SGMS1: variants seen among roughly 807,000 people sequenced by gnomAD.
SGMS1 encodes the protein sphingomyelin synthase 1, also known as phosphatidylcholine:ceramide cholinephosphotransferase 1.
SGMS1 carries 13 observed loss-of-function variants against 46.2 expected under a neutral mutation model. That is an observed-to-expected ratio of 0.28 (90% CI 0.18 to 0.45). The LOEUF (loss-of-function observed/expected upper bound fraction) is 0.45. Ranked by LOEUF, SGMS1 falls within the 20% of genes least tolerant of loss-of-function variation. The pLI, the probability that SGMS1 is intolerant of heterozygous loss-of-function variation, is 1.00. For synonymous variants in SGMS1, 203 were observed against 187.8 expected (o/e 1.08, Z -0.66); for missense variants, 324 against 519.9 (o/e 0.62, Z 3.66).
chr10:50,316,252 G>A (rs1276700845), intron 8 of SGMS1, among the ~76,000 whole-genome samples: 2 of 152,176 alleles, frequency 1.3e-5, no homozygotes, highest in African/African-American at 4.8e-5. Flanking sequence ...GACAGCTTTG[G>A]TATAGCTTTG....
chr10:50,384,261 G>A (rs934432392), intron 6 of SGMS1, among the ~76,000 whole-genome samples: 1 of 152,170 alleles, frequency 6.6e-6, no homozygotes, highest in African/African-American at 2.4e-5. Flanking sequence ...CCATTTGTAT[G>A]ATCTTGAGTA....
At chr10:50,427,891 A>G (rs557931014) in intron 6 of SGMS1, among the ~76,000 whole-genome samples, 1 of 152,276 alleles carries the variant, frequency 6.6e-6, no homozygotes, top group East Asian at 1.9e-4. Flanking sequence ...GACATCTTCA[A>G]TGAAGGAGAA....
chr10:50,400,735 G>A (rs1411531791), intron 6 of SGMS1, among the ~76,000 whole-genome samples: 1 of 152,072 alleles, frequency 6.6e-6, no homozygotes, highest in Non-Finnish European at 1.5e-5. Flanking sequence ...AAGGTAAGAA[G>A]TACAAAACCA....
intron 3 of SGMS1, among the ~76,000 whole-genome samples, chr10:50,515,167 T>A (rs1021185473): frequency 2.6e-5 from 4 of 152,132 alleles, no homozygotes; most frequent in Non-Finnish European, 4.4e-5. Flanking sequence ...GAGAGATGAG[T>A]AACCCTGCTC....
intron 2 of SGMS1, among the ~76,000 whole-genome samples, chr10:50,552,042 T>C (rs1398346035): frequency 1.3e-5 from 2 of 152,150 alleles, no homozygotes; most frequent in African/African-American, 2.4e-5. Flanking sequence ...GCAAACAAAT[T>C]GATGTGGCTG....
At chr10:50,422,996 T>C (rs1406469439) in intron 6 of SGMS1, among the ~76,000 whole-genome samples, 2 of 152,218 alleles carry the variant, frequency 1.3e-5, no homozygotes, top group African/African-American at 4.8e-5. Context: ...AACTAAATAC[T>C]TTATTAAAAT....
chr10:50,525,983 A>G (rs1049665534), intron 2 of SGMS1, among the ~76,000 whole-genome samples: 14 of 152,226 alleles, frequency 9.2e-5, no homozygotes, highest in Non-Finnish European at 1.8e-4. Flanking sequence ...AAGTTGCGAT[A>G]ATAATCAATA....
At chr10:50,520,896 A>C (rs1178752597) in intron 2 of SGMS1, among the ~76,000 whole-genome samples, 1 of 150,714 alleles carries the variant, frequency 6.6e-6, no homozygotes, top group Non-Finnish European at 1.5e-5. Context: ...TTTTTGTTTT[A>C]TTTTCTTTTT....
intron 6 of SGMS1, among the ~76,000 whole-genome samples, chr10:50,371,712 C>G (rs560091225): frequency 1.3e-5 from 2 of 152,302 alleles, no homozygotes; most frequent in Admixed American, 1.3e-4. Context: ...TAAGCCTTCT[C>G]TGAGCATCCT....
intron 6 of SGMS1, among the ~76,000 whole-genome samples, chr10:50,390,443 C>T (rs7086507): frequency 9.2e-4 from 140 of 152,340 alleles, no homozygotes; most frequent in African/African-American, 2.9e-3. Flanking sequence ...AAGCATTACT[C>T]TATTCCCCAG....
At chr10:50,395,144 G>A (rs183476462) in intron 6 of SGMS1, among the ~76,000 whole-genome samples, 4 of 152,200 alleles carry the variant, frequency 2.6e-5, no homozygotes, top group East Asian at 3.9e-4. Context: ...CTGATTTTGT[G>A]TGTGTGTGAT....
chr10:50,518,992 T>C (rs1837833980), intron 3 of SGMS1, among the ~76,000 whole-genome samples: 1 of 152,102 alleles, frequency 6.6e-6, no homozygotes, highest in South Asian at 2.1e-4. Flanking sequence ...AGACAACAGA[T>C]AAACTGTGAT....
At chr10:50,404,843 AATT>A (rs1391609463) in intron 6 of SGMS1, among the ~76,000 whole-genome samples, 1 of 152,332 alleles carries the variant, frequency 6.6e-6, no homozygotes, top group East Asian at 1.9e-4. Flanking sequence ...AAATAAAATC[AATT>A]ATTATACACC....
At chr10:50,323,355 G>A (rs186600303) in intron 8 of SGMS1, among the ~76,000 whole-genome samples, 89 of 152,292 alleles carry the variant, frequency 5.8e-4, no homozygotes, top group Middle Eastern at 6.8e-3. Flanking sequence ...GTATTAAGCA[G>A]GAAGTCATAT....
At position 50,374,072 on chromosome 10, in the gene SGMS1, T is replaced by A. The variant is rs955542841; in HGVS notation, c.-231-29727A>T. 2.6e-5 allele frequency among the ~76,000 whole-genome samples: 4 copies of A among 152,318 alleles called. No individual in the cohort carries two copies. The East Asian group carries it at 7.7e-4, about 29-fold the overall frequency. ...ATTTATCTTCTATTTATAAACCTAA[T>A]GAGCTTTTCTCTTTGGCACAAAGCA... is the stretch of plus-strand genomic sequence containing the variant. On this transcript the variant is annotated intron_variant, in intron 6 of 10. Transcript: ENST00000361781.
At chr10:50,566,553 C>T (rs1010276286) in intron 2 of SGMS1, among the ~76,000 whole-genome samples, 5 of 152,212 alleles carry the variant, frequency 3.3e-5, no homozygotes, top group African/African-American at 1.2e-4. Flanking sequence ...TAAAGGACTA[C>T]TTTATGCAAA....
chr10:50,434,830 G>A (rs1031444150), intron 5 of SGMS1, among the ~76,000 whole-genome samples: 2 of 147,192 alleles, frequency 1.4e-5, no homozygotes, highest in Non-Finnish European at 3.0e-5. Context: ...TTTGCAGTGA[G>A]CCGAGATCAC....
At chr10:50,540,844 G>A (rs1838045452) in intron 2 of SGMS1, among the ~76,000 whole-genome samples, 1 of 152,178 alleles carries the variant, frequency 6.6e-6, no homozygotes, top group Admixed American at 6.5e-5. Flanking sequence ...TTTAGGGGAA[G>A]GAGGTGAATT....
chr10:50,577,369 A>G (rs1222503803), intron 2 of SGMS1, among the ~76,000 whole-genome samples: 1 of 152,216 alleles, frequency 6.6e-6, no homozygotes, highest in Non-Finnish European at 1.5e-5. Flanking sequence ...CATTAGGAAC[A>G]AGAAGACAGA....
Sources: allele counts gnomAD v4.1 joint callset (sites outside exome capture counted in the v4.1 genomes callset), GRCh38; gene constraint gnomAD v4.1.1; transcripts MANE v1.5; gene names NCBI Gene and HGNC (gene_info 2026-07-23, HGNC 2026-07-21).